The following RGS12 variants were observed in gnomAD, a reference collection of about 807,000 sequenced individuals.
The protein encoded by RGS12 is regulator of G protein signaling 12.
Under a neutral mutation model 120.1 loss-of-function variants are expected in RGS12, and 66 were observed. That is an observed-to-expected ratio of 0.55 (90% CI 0.45 to 0.67). RGS12 has a LOEUF of 0.67. Among genes scored for constraint, RGS12 ranks in the 30% least tolerant of loss-of-function variants. The pLI, the probability that RGS12 is intolerant of heterozygous loss-of-function variation, is 0.00. For synonymous variants in RGS12, 827 were observed against 804.7 expected (o/e 1.03, Z -0.47); for missense variants, 1,859 against 1,957.7 (o/e 0.95, Z 0.95).
rs1724798690 is a variant in RGS12, at chr4:3,316,822, G to A, written c.652G>A (p.Asp218Asn). ...CAGCATTGGACTAGAAAGTCATGAC[G>A]ATTTTGCATTGGATGCAAGTATTTT... ...VFSIGLESHD[D>N]FALDASILNV... is the part of the protein sequence containing the mutation. Residue 218 changes from aspartate (D) to asparagine (N), a missense_variant, in exon 2 of 18, where the codon GAT becomes AAT. Physicochemically the swap from Asp to Asn is conservative, Grantham distance 23. Coordinates refer to ENST00000336727, the MANE Select transcript of RGS12 (RefSeq NM_001394154.1). 3 of 1,614,186 alleles carry A rather than the reference G, an allele frequency of 1.9e-6. No homozygotes were observed. The highest frequency in any genetic ancestry group is 2.5e-6 in the Non-Finnish European group (3 of 1,179,998).
intron 1 of RGS12, among the ~76,000 whole-genome samples, chr4:3,293,498 C>T (rs2110340503): frequency 6.6e-6 from 1 of 152,038 alleles, no homozygotes; most frequent in Admixed American, 6.5e-5. Flanking sequence ...GGGAGGGTTC[C>T]CTCGTCGGAC....
intron 3 of RGS12, among the ~76,000 whole-genome samples, chr4:3,370,539 C>T (rs1323969126): frequency 2.6e-5 from 4 of 152,254 alleles, no homozygotes; most frequent in African/African-American, 9.6e-5. Context: ...GCCCGACACA[C>T]CCGGCCGCCG....
chr4:3,379,639 A>T (rs965415535), intron 3 of RGS12, among the ~76,000 whole-genome samples: 1 of 152,204 alleles, frequency 6.6e-6, no homozygotes, highest in Non-Finnish European at 1.5e-5. Flanking sequence ...ACTTACAATC[A>T]TGATAGAAGG....
At chr4:3,364,885 T>C (rs546544379) in intron 3 of RGS12, among the ~76,000 whole-genome samples, 2 of 152,032 alleles carry the variant, frequency 1.3e-5, no homozygotes, top group African/African-American at 4.8e-5. Context: ...GCTTGGCACC[T>C]CTGCTTGGAA....
chr4:3,432,645 C>G (rs1577108105), intron 17 of RGS12, among the ~76,000 whole-genome samples: 1 of 152,240 alleles, frequency 6.6e-6, no homozygotes, highest in African/African-American at 2.4e-5. Context: ...ACATCCCTGA[C>G]TTGTTTGTGG....
intron 1 of RGS12, among the ~76,000 whole-genome samples, chr4:3,303,137 G>A (rs188810649): frequency 2.0e-5 from 3 of 152,366 alleles, no homozygotes; most frequent in Admixed American, 1.3e-4. Context: ...GGGACCCAGT[G>A]AGAGAGCCTC....
chr4:3,376,465 C>T (rs1309773636), intron 3 of RGS12, among the ~76,000 whole-genome samples: 1 of 152,206 alleles, frequency 6.6e-6, no homozygotes, highest in Non-Finnish European at 1.5e-5. Flanking sequence ...CTGGGTCCCT[C>T]TGTGCAGGGG....
At chr4:3,353,615 A>T (rs1294882129) in intron 3 of RGS12, among the ~76,000 whole-genome samples, 2 of 152,002 alleles carry the variant, frequency 1.3e-5, no homozygotes, top group Non-Finnish European at 2.9e-5. Context: ...GGGGAAGGAG[A>T]CTGTGCCACG....
chr4:3,343,326 C>T (rs1713446652), intron 3 of RGS12: 2 of 362,142 alleles, frequency 5.5e-6, no homozygotes, highest in Admixed American at 7.9e-5. Context: ...GGTTTAATCC[C>T]CACAAATACT....
At chr4:3,408,146 G>A (rs1285201541) in intron 4 of RGS12, among the ~76,000 whole-genome samples, 1 of 152,220 alleles carries the variant, frequency 6.6e-6, no homozygotes, top group Non-Finnish European at 1.5e-5. Flanking sequence ...AAGCAGGCCA[G>A]TGAGTTACAG....
At chr4:3,364,691 G>C (rs1288205878) in intron 3 of RGS12, among the ~76,000 whole-genome samples, 2 of 152,074 alleles carry the variant, frequency 1.3e-5, no homozygotes, top group African/African-American at 4.8e-5. Context: ...GAGCCGGGCT[G>C]ACACCTGGAC....
chr4:3,330,142 G>A (rs958635283), intron 2 of RGS12, among the ~76,000 whole-genome samples: 1 of 152,314 alleles, frequency 6.6e-6, no homozygotes, highest in South Asian at 2.1e-4. Flanking sequence ...GGAGGAAGCT[G>A]TTGACCATGA....
At chr4:3,342,225 A>C (rs1236713491) in intron 2 of RGS12, among the ~76,000 whole-genome samples, 1 of 152,134 alleles carries the variant, frequency 6.6e-6, no homozygotes, top group African/African-American at 2.4e-5. Context: ...TTAGGATTCC[A>C]AGTCCTCAGG....
chr4:3,437,854 T>A (rs1322738593), intron 17 of RGS12, among the ~76,000 whole-genome samples: 1 of 152,036 alleles, frequency 6.6e-6, no homozygotes, highest in Non-Finnish European at 1.5e-5. Context: ...CTGGGCACGC[T>A]CAAGAGGGGA....
intron 2 of RGS12, among the ~76,000 whole-genome samples, chr4:3,337,105 A>C (rs1175592075): frequency 2.0e-5 from 3 of 152,224 alleles, no homozygotes; most frequent in Non-Finnish European, 2.9e-5. Flanking sequence ...AAAGATGCCC[A>C]ACATCATCAA....
chr4:3,385,580 C>G (rs1376204095), intron 3 of RGS12: 2 of 152,598 alleles, frequency 1.3e-5, no homozygotes, highest in Admixed American at 6.5e-5. Context: ...GCTTCCTGTT[C>G]TTTTCGGCTT....
At chr4:3,309,548 C>T (rs1482649530) in intron 1 of RGS12, among the ~76,000 whole-genome samples, 18 of 133,994 alleles carry the variant, frequency 1.3e-4, no homozygotes, top group Admixed American at 9.8e-4. Context: ...AGGAGAGGAG[C>T]TGGGGCCTGG....
chr4:3,292,253 G>T (rs1273635873), upstream of RGS12, among the ~76,000 whole-genome samples: 1 of 151,750 alleles, frequency 6.6e-6, no homozygotes, highest in Admixed American at 6.5e-5. Flanking sequence ...CGGCGGCTGG[G>T]ACAGGGCCAG....
intron 3 of RGS12, chr4:3,370,228 G>A: frequency 1.9e-6 from 3 of 1,612,948 alleles, no homozygotes; most frequent in East Asian, 2.2e-5. Flanking sequence ...TGAATGGTGT[G>A]TCTTAGACCC....
Sources: allele counts gnomAD v4.1 joint callset (sites outside exome capture counted in the v4.1 genomes callset), GRCh38; gene constraint gnomAD v4.1.1; transcripts MANE v1.5; gene names NCBI Gene and HGNC (gene_info 2026-07-23, HGNC 2026-07-21).